The following DTX1 variants were observed in gnomAD, a reference collection of about 807,000 sequenced individuals.
DTX1 encodes E3 ubiquitin-protein ligase DTX1.
In DTX1, 26 loss-of-function variants were observed where a neutral mutation model predicts 57.8. The ratio of observed to expected loss-of-function variants is 0.45; its 90% CI spans 0.33 to 0.62. The LOEUF is 0.62. Ranked by LOEUF, DTX1 falls within the 20% of genes least tolerant of loss-of-function variation. The pLI is 0.02. For missense variants in DTX1, 704 were observed against 895.3 expected (o/e 0.79, Z 2.73); for synonymous variants, 398 against 394.1 (o/e 1.01, Z -0.12).
intron 1 of DTX1, 24 bp downstream of exon 1, chr12:113,056,968 C>G (rs1163111187): frequency 6.6e-6 from 1 of 152,382 alleles, no homozygotes; most frequent in African/African-American, 2.4e-5. Context: ...TGCTTAGGGA[C>G]CCCACCCCCG....
chr12:113,078,218 A>G, intron 3 of DTX1, 113 bp downstream of exon 3: 6 of 860,376 alleles, frequency 7.0e-6, no homozygotes, highest in South Asian at 4.3e-5. Flanking sequence ...AATAATGACG[A>G]TAAGTAATAT....
At chr12:113,094,172 G>A in intron 6 of DTX1, 73 bp downstream of exon 6, 3 of 1,404,332 alleles carry the variant, frequency 2.1e-6, no homozygotes, top group Non-Finnish European at 2.9e-6. Context: ...CCTCCTCCTG[G>A]GTTCTGGGTG....
rs2044712286 is a variant in DTX1 at position 113,067,547 on chromosome 12, C to G, written c.259+9096C>G. Among the ~76,000 whole-genome samples the G allele has an allele frequency of 2.0e-5, 3 of 152,186 alleles. No individual in the cohort carries two copies. In the South Asian group the frequency reaches 6.2e-4, roughly 32 times the overall value. On this transcript the variant is annotated intron_variant, in intron 2 of 9. Transcript: ENST00000548759. ...GAAGTGTGTGCAGTGTCTGGGAAGG[C>G]AGAGGTTTTTTAACTGTCTTGCTCT... is the stretch of plus-strand genomic sequence containing the variant.
At chr12:113,073,306 C>A (rs1347474277) in intron 2 of DTX1, among the ~76,000 whole-genome samples, 2 of 152,098 alleles carry the variant, frequency 1.3e-5, no homozygotes, top group African/African-American at 4.8e-5. Flanking sequence ...CAGGTGGGAG[C>A]AGGATCCAGG....
chr12:113,091,215 A>T (rs1950244333), intron 3 of DTX1, among the ~76,000 whole-genome samples: 1 of 151,680 alleles, frequency 6.6e-6, no homozygotes, highest in Admixed American at 6.6e-5. Context: ...TTCTGTGTGT[A>T]TGTGTGTGTC....
chr12:113,078,900 G>T (rs1351188934), intron 3 of DTX1, among the ~76,000 whole-genome samples: 1 of 152,108 alleles, frequency 6.6e-6, no homozygotes, highest in East Asian at 1.9e-4. Context: ...CTGGAATCGT[G>T]GGGGGTGGGG....
At chr12:113,057,041 C>T (rs1592838315) in intron 1 of DTX1, 97 bp downstream of exon 1, 3 of 152,298 alleles carry the variant, frequency 2.0e-5, no homozygotes, top group African/African-American at 7.2e-5. Flanking sequence ...GGGCTGTTAC[C>T]CCCAGGGCGG....
In DTX1 at chr12:113,070,238, C is replaced by T. The variant is rs116685496; in HGVS notation, c.260-7186C>T. On this transcript the variant is annotated intron_variant, in intron 2 of 9. Transcript: ENST00000548759. Reference sequence around the variant, plus strand: ...AAGTGTGCTCTCTGAGTGTGGATGGCTGTTAGTATTATGACTTCTGGGTTG... The same window carrying T: ...AAGTGTGCTCTCTGAGTGTGGATGGTTGTTAGTATTATGACTTCTGGGTTG... 3.6e-3 allele frequency among the ~76,000 whole-genome samples: 543 copies of T among 152,324 alleles called. 2 individuals are homozygous for T. The highest frequency in any genetic ancestry group is 0.013 in the African/African-American group (522 of 41,572).
intron 2 of DTX1, among the ~76,000 whole-genome samples, chr12:113,074,892 C>T (rs1031394228): frequency 2.6e-5 from 4 of 152,088 alleles, no homozygotes; most frequent in Admixed American, 6.6e-5. Flanking sequence ...GAAGAGCATC[C>T]GGAAGCGCAG....
chr12:113,093,615 G>T lies in DTX1; in HGVS notation c.1080G>T (p.Pro360=). The part of the protein sequence containing the change: ...LTRAPKPILH[P]PPVSKSDVKP... ...GGGCCCCCAAGCCCATCCTGCACCC[G>T]CCGCCCGTGAGCAAGAGCGACGTGA... is the stretch of plus-strand genomic sequence containing the variant. The change falls in exon 5 of 10, where the codon CCG becomes CCT. Residue 360 remains proline (P), a synonymous_variant. Transcript: ENST00000548759. The surrounding 1 kb of genome is among the most constrained non-coding windows in gnomAD (Gnocchi z 4.2). 6.2e-7 allele frequency: 1 copy of T among 1,612,934 alleles called. No homozygotes were observed.
chr12:113,065,403 C>T (rs1275469990), intron 2 of DTX1, among the ~76,000 whole-genome samples: 1 of 152,190 alleles, frequency 6.6e-6, no homozygotes, highest in Non-Finnish European at 1.5e-5. Context: ...GCCCGGGCCA[C>T]CGAGTACCTT....
intron 8 of DTX1, 56 bp from the exon 9 acceptor site, chr12:113,095,269 T>TCCA: frequency 6.2e-7 from 1 of 1,611,374 alleles, no homozygotes; most frequent in Admixed American, 1.7e-5. Flanking sequence ...CAGATGCTTC[T>TCCA]CCACCCTGCC....
At chr12:113,068,318 A>G (rs1173169350) in intron 2 of DTX1, among the ~76,000 whole-genome samples, 2 of 152,300 alleles carry the variant, frequency 1.3e-5, no homozygotes, top group South Asian at 2.1e-4. Flanking sequence ...AGGAACACAG[A>G]CACCTCCGCA....
intron 3 of DTX1, among the ~76,000 whole-genome samples, chr12:113,092,102 C>T (rs1674094): frequency 0.81 from 123,995 of 152,148 alleles, 50,612 homozygotes; most frequent in South Asian, 0.87. Flanking sequence ...AGTTAAGTGA[C>T]TTGTTCAAGG....
chr12:113,063,609 A>G (rs1257759338), intron 2 of DTX1, among the ~76,000 whole-genome samples: 1 of 152,222 alleles, frequency 6.6e-6, no homozygotes, highest in African/African-American at 2.4e-5. Flanking sequence ...GCTGGGGACC[A>G]TCCAAAGATG....
At position 113,094,884 on chromosome 12, in the gene DTX1, G is replaced by A. The variant is rs1375776623; in HGVS notation, c.1323G>A (p.Leu441=). The A allele has an allele frequency of 1.9e-6, 3 of 1,613,594 alleles. No individual in the cohort carries two copies. The highest frequency in any genetic ancestry group is 1.3e-5 in the African/African-American group (1 of 74,956). ...KGVRPELVGR[L]GRCGHMYHLL... ...TGCGGCCTGAGCTCGTGGGCCGCCT[G>A]GGCCGCTGTGGCCACATGTACCACC... Residue 441 remains leucine (L), a synonymous_variant, in exon 7 of 10, where the codon CTG becomes CTA. Transcript: ENST00000548759.
chr12:113,097,116 C>A lies in DTX1; in HGVS notation c.*177C>A. 2.9e-6 allele frequency: 2 copies of A among 694,824 alleles called. No homozygotes were observed. Among genetic ancestry groups the A allele is most frequent in the Non-Finnish European group, 4.7e-6 (2 of 425,986 alleles). The allele number at this position is 694,824 out of a possible 1,614,324, so 43.0% of individuals were successfully genotyped here. ...GGATGAAGAGAGATGGCATGTCAGG[C>A]TGGCCCCGAATCATAGCTCCCTGAG... On this transcript the variant is annotated 3_prime_UTR_variant, in exon 10 of 10. Coordinates refer to ENST00000548759, the MANE Select transcript of DTX1 (RefSeq NM_004416.3).
intron 3 of DTX1, among the ~76,000 whole-genome samples, chr12:113,085,554 C>T (rs1452847376): frequency 1.3e-5 from 2 of 152,170 alleles, no homozygotes; most frequent in African/African-American, 4.8e-5. Context: ...TTGGCTTATC[C>T]TTCCCTGGAG....
Position 113,097,107 on chromosome 12 carries a change from C to A in DTX1, c.*168C>A. 1.4e-6 allele frequency: 1 copy of A among 723,500 alleles called. No homozygotes were observed. The highest frequency in any genetic ancestry group is 2.2e-6 in the Non-Finnish European group (1 of 451,600). 44.8% of individuals were successfully genotyped at this position (723,500 alleles called of 1,614,324 possible). On this transcript the variant is annotated 3_prime_UTR_variant, in exon 10 of 10. Coordinates refer to ENST00000548759, the MANE Select transcript of DTX1 (RefSeq NM_004416.3). ...TGGCAGCTGGGATGAAGAGAGATGG[C>A]ATGTCAGGCTGGCCCCGAATCATAG...
Sources: gnomAD v4.1 joint callset for allele counts (sites outside exome capture counted in the v4.1 genomes callset) on GRCh38, gnomAD v4.1.1 for gene constraint, Gnocchi (gnomAD v3.1) non-coding constraint, MANE v1.5 for transcripts, NCBI Gene and HGNC (gene_info 2026-07-23, HGNC 2026-07-21) for gene names.